Variants in PRDM10 observed in about 807,000 individuals in gnomAD.
PRDM10 encodes PR/SET domain 10.
Under a neutral mutation model 133.1 loss-of-function variants are expected in PRDM10, and 65 were observed. The observed-to-expected ratio is 0.49, with a 90% CI of 0.40 to 0.60. The LOEUF is 0.60. Among genes scored for constraint, PRDM10 ranks in the 20% least tolerant of loss-of-function variants. The probability of loss-of-function intolerance (pLI) is 0.00; values close to 1 mark genes in which losing one functional copy is unlikely to be tolerated. For synonymous variants in PRDM10, 582 were observed against 580.4 expected, an observed-to-expected ratio of 1.00 and a Z score of -0.04; for missense variants, 1,137 against 1,507.1, an observed-to-expected ratio of 0.75 and a Z score of 4.07.
At chr11:129,941,777 A>G (rs775474051) in intron 7 of PRDM10, among the ~76,000 whole-genome samples, 46 of 152,210 alleles carry the variant, frequency 3.0e-4, no homozygotes, top group Non-Finnish European at 6.3e-4. Context: ...AAGTGTTCTG[A>G]TCACATTTAA....
rs751705093 is a variant in PRDM10 at position 129,955,606 on chromosome 11, C to T, written c.235-35G>A. ...CAAACGAACAAAAAATTATCAGTAG[C>T]TCTTTGGATAGCCTGCCTACACAGA... On this transcript the variant is annotated intron_variant, in intron 3 of 20. Transcript: ENST00000360871. The T allele has an allele frequency of 8.7e-6, 14 of 1,602,184 alleles. No individual in the cohort carries two copies. In the Admixed American group the frequency reaches 2.0e-4, roughly 23 times the overall value.
intron 17 of PRDM10, among the ~76,000 whole-genome samples, chr11:129,912,692 C>T (rs1461327125): frequency 2.0e-5 from 3 of 150,202 alleles, no homozygotes; most frequent in Non-Finnish European, 3.0e-5. Context: ...GCGGAGCTTG[C>T]AGTGAGCTGG....
intron 7 of PRDM10, among the ~76,000 whole-genome samples, chr11:129,942,100 T>C (rs1157653616): frequency 1.3e-5 from 2 of 152,224 alleles, no homozygotes; most frequent in Admixed American, 1.3e-4. Context: ...TTTGCCATGT[T>C]GACCAGGCTG....
chr11:129,996,849 G>C (rs1037260465), intron 1 of PRDM10, among the ~76,000 whole-genome samples: 1 of 152,182 alleles, frequency 6.6e-6, no homozygotes, highest in Admixed American at 6.5e-5. Context: ...TGTGGTGAGT[G>C]ATTAACAGGC....
chr11:129,902,635 G>A, intron 20 of PRDM10, 119 bp from the exon 21 acceptor site: 1 of 1,422,898 alleles, frequency 7.0e-7, no homozygotes, highest in Admixed American at 2.6e-5. Flanking sequence ...GCATCTATGA[G>A]AGATGCTTTG....
chr11:129,919,980 C>T (rs1950474125), intron 13 of PRDM10, among the ~76,000 whole-genome samples: 1 of 152,188 alleles, frequency 6.6e-6, no homozygotes, highest in Non-Finnish European at 1.5e-5. Context: ...TTGTAGGCTA[C>T]AGTAGGATTT....
chr11:129,950,877 A>G (rs567771803), intron 4 of PRDM10, among the ~76,000 whole-genome samples: 11 of 152,326 alleles, frequency 7.2e-5, no homozygotes, highest in South Asian at 4.1e-4. Flanking sequence ...TGGCAACGTG[A>G]CTGGCTTCTT....
rs779897633 is a variant in PRDM10, at chr11:129,932,229, G to A, written c.1160C>T (p.Thr387Ile). The change falls in exon 10 of 21, where the codon ACA (threonine) becomes ATA (isoleucine). Residue 387 changes from threonine to isoleucine, a missense_variant and splice_region_variant. By Grantham distance (89) the Thr-to-Ile change is moderately conservative. Around this residue, in one of 6 missense-constraint regions of PRDM10, gnomAD observed 635 missense variants for 835.2 expected, o/e 0.76. Transcript: ENST00000360871. ...HDEKLDVFSR[T>I]RGRGRGRGKR... ...GCCTCGTCCCCTTCCTCTGCCTCTT[G>A]TTCTGGGGACAAGAGATTGGGTTAC... 2 of 1,613,758 alleles carry A rather than the reference G, an allele frequency of 1.2e-6. No homozygotes were observed. Among genetic ancestry groups the A allele is most frequent in the South Asian group, 1.1e-5 (1 of 91,034 alleles).
chr11:129,954,256 TA>T (rs1362252444), intron 4 of PRDM10, among the ~76,000 whole-genome samples: 2 of 136,730 alleles, frequency 1.5e-5, no homozygotes, highest in East Asian at 5.3e-4. Flanking sequence ...AATTTTAATT[TA>T]ATTTATTTAT....
rs1951435754 is a variant in PRDM10, at chr11:129,946,999, T to A, written c.520+146A>T. 5 of 1,080,336 alleles carry A rather than the reference T, an allele frequency of 4.6e-6. No homozygotes were observed. The African/African-American group carries it at 8.0e-5, about 17-fold the overall frequency. The allele number at this position is 1,080,336 out of a possible 1,614,324, so 66.9% of individuals were successfully genotyped here. A position where few individuals can be genotyped will look rare whatever the true frequency, so the allele number is the denominator to read the frequency against. On this transcript the variant is annotated intron_variant, in intron 5 of 20. Transcript: ENST00000360871. Reference sequence around the variant, plus strand: ...TCAAAGGGCTGCAGTGAAGGCCAGGTGGGATGAAGCAAGCAGAGAATGTAG... The same window carrying A: ...TCAAAGGGCTGCAGTGAAGGCCAGGAGGGATGAAGCAAGCAGAGAATGTAG...
At chr11:129,936,797 G>A (rs1354020647) in intron 8 of PRDM10, among the ~76,000 whole-genome samples, 2 of 152,168 alleles carry the variant, frequency 1.3e-5, no homozygotes, top group Non-Finnish European at 2.9e-5. Flanking sequence ...GGTGTCTGAA[G>A]TCAGGGGTGT....
At chr11:129,944,083 T>C (rs572839565) in intron 6 of PRDM10, among the ~76,000 whole-genome samples, 1 of 152,254 alleles carries the variant, frequency 6.6e-6, no homozygotes, top group South Asian at 2.1e-4. Context: ...AAAGACCCTG[T>C]GAGGACAGTG....
chr11:129,926,301 C>G (rs1005988216), intron 11 of PRDM10, among the ~76,000 whole-genome samples: 1 of 152,166 alleles, frequency 6.6e-6, no homozygotes, highest in Non-Finnish European at 1.5e-5. Flanking sequence ...TCACCTCACA[C>G]AGAGAATGCA....
chr11:129,957,780 G>T lies in PRDM10; in HGVS notation c.200C>A (p.Thr67Lys), dbSNP rs772111070. The T allele has an allele frequency of 6.2e-7, 1 of 1,613,640 alleles. No homozygotes were observed. The highest frequency in any genetic ancestry group is 1.1e-5 in the South Asian group (1 of 90,980). Reference sequence around the variant, plus strand: ...TTCCACCGGGTGGATGTACACCAGCGTGTGCTCTGGACCATCCACTGATGT... The same window carrying T: ...TTCCACCGGGTGGATGTACACCAGCTTGTGCTCTGGACCATCCACTGATGT... ...SYTSVDGPEHTLVYIHPVEAA... is the reference protein window; with the variant it reads ...SYTSVDGPEHKLVYIHPVEAA... The change falls in exon 3 of 21, where the codon ACG becomes AAG. Residue 67 changes from threonine to lysine, a missense_variant. By Grantham distance (78) the Thr-to-Lys change is moderately conservative (BLOSUM62 -1). This residue lies in a region of PRDM10 where 635 missense variants were observed against 835.2 expected (regional missense o/e 0.76). Coordinates refer to ENST00000360871, the MANE Select transcript of PRDM10 (RefSeq NM_199437.2).
chr11:129,973,521 A>T (rs1937619466), intron 1 of PRDM10, among the ~76,000 whole-genome samples: 1 of 152,248 alleles, frequency 6.6e-6, no homozygotes, highest in Non-Finnish European at 1.5e-5. Flanking sequence ...ACTATGTTAC[A>T]CACCATCTTT....
intron 11 of PRDM10, 78 bp from the exon 12 acceptor site, chr11:129,925,307 G>C: frequency 1.5e-6 from 2 of 1,316,434 alleles, no homozygotes; most frequent in Non-Finnish European, 2.1e-6. Flanking sequence ...CAGAGAAAGA[G>C]AGGATGATCT....
chr11:129,951,868 C>T (rs375022210), intron 4 of PRDM10, among the ~76,000 whole-genome samples: 1 of 151,990 alleles, frequency 6.6e-6, no homozygotes. Flanking sequence ...GATTCAAGCA[C>T]ATTCTGCCCC....
chr11:129,967,562 G>T (rs915082163), intron 1 of PRDM10, among the ~76,000 whole-genome samples: 11 of 152,128 alleles, frequency 7.2e-5, no homozygotes, highest in African/African-American at 2.7e-4. Flanking sequence ...ATTCAAGAAA[G>T]GGTAGCAATT....
At chr11:129,977,636 G>A (rs1937857374) in intron 1 of PRDM10, among the ~76,000 whole-genome samples, 1 of 152,164 alleles carries the variant, frequency 6.6e-6, no homozygotes, top group Non-Finnish European at 1.5e-5. Flanking sequence ...TTAGTTAGGG[G>A]AAATATGCCT....
Sources: gnomAD v4.1 joint callset for allele counts (sites outside exome capture counted in the v4.1 genomes callset) on GRCh38, gnomAD v4.1.1 for gene constraint, gnomAD v4.1.1 regional missense constraint, MANE v1.5 for transcripts, NCBI Gene and HGNC (gene_info 2026-07-23, HGNC 2026-07-21) for gene names.